Variants in PREP observed in about 807,000 individuals in gnomAD.
The protein encoded by PREP is dJ355L5.1 (prolyl endopeptidase).
In PREP, 29 loss-of-function variants were observed where a neutral mutation model predicts 87.6. The observed-to-expected ratio is 0.33, with a 90% CI of 0.25 to 0.45. The LOEUF (loss-of-function observed/expected upper bound fraction) is 0.45, where lower values mean the gene tolerates loss of function less well. Ranked by LOEUF, PREP falls within the 20% of genes least tolerant of loss-of-function variation. PREP has a pLI of 1.00. For missense variants in PREP, 695 were observed against 886.5 expected (o/e 0.78, Z 2.74); for synonymous variants, 337 against 328.6 (o/e 1.03, Z -0.28).
rs370656883 is a variant in PREP, at chr6:105,363,768, G to T, written c.717+5135C>A. ...TGAGACATCTTGAAAGGTCCCTGAT[G>T]AAAAAGGGTGGAGGAAGGAAAGGCA... is the stretch of plus-strand genomic sequence containing the variant. On this transcript the variant is annotated intron_variant, in intron 6 of 14. Transcript: ENST00000652536. 5.3e-4 allele frequency among the ~76,000 whole-genome samples: 81 copies of T among 152,276 alleles called. 3 individuals carry two copies. The South Asian group carries it at 0.016, about 30-fold the overall frequency.
rs530365580 is a variant in PREP, at chr6:105,381,728, C to A, written c.121-4209G>T. ...AGAAATCTTACTTATATCTCATGTG[C>A]CTTGACTATTAGAAAGCTTAAAAGC... On this transcript the variant is annotated intron_variant, in intron 2 of 14. Transcript: ENST00000652536. Among the ~76,000 whole-genome samples, 9 of 152,206 alleles carry A rather than the reference C, an allele frequency of 5.9e-5. No individual in the cohort carries two copies. In the East Asian group the frequency reaches 1.5e-3, roughly 26 times the overall value.
chr6:105,288,988 A>C, intron 10 of PREP, 94 bp from the exon 11 acceptor site: 1 of 1,297,706 alleles, frequency 7.7e-7, no homozygotes, highest in Non-Finnish European at 1.1e-6. Flanking sequence ...TCTCTTCATG[A>C]TGTACAGTAG....
At chr6:105,304,655 G>T (rs1429442985) in intron 10 of PREP, among the ~76,000 whole-genome samples, 2 of 152,074 alleles carry the variant, frequency 1.3e-5, no homozygotes, top group Non-Finnish European at 2.9e-5. Flanking sequence ...GACAGTAGGT[G>T]CTTTGAAAAC....
chr6:105,345,519 C>T (rs1771772919), intron 7 of PREP, among the ~76,000 whole-genome samples: 2 of 152,156 alleles, frequency 1.3e-5, no homozygotes, highest in Admixed American at 6.5e-5. Flanking sequence ...ACTATATTAA[C>T]TACATGTCAT....
At chr6:105,368,863 A>G (rs1430241981) in intron 6 of PREP, 40 bp downstream of exon 6, 2 of 1,608,372 alleles carry the variant, frequency 1.2e-6, no homozygotes, top group Non-Finnish European at 1.7e-6. Context: ...CATCCATGAA[A>G]CACAGTCTTT....
intron 10 of PREP, among the ~76,000 whole-genome samples, chr6:105,323,432 T>C (rs994888178): frequency 6.6e-6 from 1 of 152,150 alleles, no homozygotes; most frequent in African/African-American, 2.4e-5. Context: ...TCCAGCTTCC[T>C]GTCAAGAGTA....
At chr6:105,313,463 T>C (rs1372075902) in intron 10 of PREP, among the ~76,000 whole-genome samples, 1 of 151,712 alleles carries the variant, frequency 6.6e-6, no homozygotes, top group Non-Finnish European at 1.5e-5. Context: ...GCCCCGGGGG[T>C]TTAAGAAAAG....
intron 2 of PREP, among the ~76,000 whole-genome samples, chr6:105,392,345 A>AT (rs1460004815): frequency 1.3e-5 from 2 of 151,960 alleles, no homozygotes; most frequent in African/African-American, 4.8e-5. Flanking sequence ...GTCTCAAATC[A>AT]TTTTTAGGGA....
intron 10 of PREP, among the ~76,000 whole-genome samples, chr6:105,304,369 C>T (rs1392205456): frequency 1.3e-5 from 2 of 152,144 alleles, no homozygotes; most frequent in Non-Finnish European, 2.9e-5. Context: ...CTACGAATAC[C>T]CCCACTTTTC....
chr6:105,288,235 A>T (rs1770227527), intron 11 of PREP, among the ~76,000 whole-genome samples: 1 of 152,234 alleles, frequency 6.6e-6, no homozygotes, highest in Non-Finnish European at 1.5e-5. Context: ...TGTTACACTG[A>T]GGACATTTTT....
chr6:105,341,211 T>C (rs1056992088), intron 7 of PREP, among the ~76,000 whole-genome samples: 3 of 152,152 alleles, frequency 2.0e-5, no homozygotes, highest in African/African-American at 7.2e-5. Context: ...TGAAATCAAA[T>C]TAGAGCTCAG....
At chr6:105,307,129 T>C (rs2114631505) in intron 10 of PREP, among the ~76,000 whole-genome samples, 1 of 152,346 alleles carries the variant, frequency 6.6e-6, no homozygotes, top group South Asian at 2.1e-4. Context: ...ATCATTACTT[T>C]GGATTTATTT....
intron 10 of PREP, among the ~76,000 whole-genome samples, chr6:105,309,783 CCTT>C (rs1381121653): frequency 3.3e-5 from 5 of 152,286 alleles, no homozygotes; most frequent in African/African-American, 9.6e-5. Flanking sequence ...GAAGGCCAAT[CCTT>C]CTTCTTATGG....
At chr6:105,279,999 T>A (rs1307759074) in intron 14 of PREP, among the ~76,000 whole-genome samples, 1 of 152,230 alleles carries the variant, frequency 6.6e-6, no homozygotes, top group Non-Finnish European at 1.5e-5. Context: ...TGAAAAGTAA[T>A]AACTTTCATA....
intron 2 of PREP, among the ~76,000 whole-genome samples, chr6:105,384,369 A>T (rs1187876057): frequency 6.6e-6 from 1 of 152,212 alleles, no homozygotes; most frequent in African/African-American, 2.4e-5. Flanking sequence ...ACTGTGACTG[A>T]TGAGGAACAT....
At chr6:105,296,390 T>C (rs1770413677) in intron 10 of PREP, among the ~76,000 whole-genome samples, 1 of 152,216 alleles carries the variant, frequency 6.6e-6, no homozygotes, top group South Asian at 2.1e-4. Context: ...CAACAGTTTT[T>C]TTTTTTAACT....
chr6:105,322,993 C>G, intron 10 of PREP: 1 of 1,302,268 alleles, frequency 7.7e-7, no homozygotes, highest in Non-Finnish European at 1.0e-6. Flanking sequence ...GTGGGAGGGG[C>G]CTTGATAAAC....
intron 2 of PREP, among the ~76,000 whole-genome samples, chr6:105,386,779 T>C (rs945592863): frequency 3.3e-5 from 5 of 152,244 alleles, no homozygotes; most frequent in African/African-American, 1.2e-4. Flanking sequence ...AGATTTATAC[T>C]GAAATCCAAT....
At chr6:105,375,192 G>A (rs745670485) in intron 4 of PREP, among the ~76,000 whole-genome samples, 2 of 152,108 alleles carry the variant, frequency 1.3e-5, no homozygotes, top group Non-Finnish European at 2.9e-5. Context: ...ACTGGATCAT[G>A]GTTAGAAGTG....
Sources: allele counts gnomAD v4.1 joint callset (sites outside exome capture counted in the v4.1 genomes callset), GRCh38; gene constraint gnomAD v4.1.1; transcripts MANE v1.5; gene names NCBI Gene and HGNC (gene_info 2026-07-23, HGNC 2026-07-21).